Variants in PTPRG observed in about 807,000 individuals in gnomAD.
PTPRG encodes receptor-type tyrosine-protein phosphatase gamma.
In PTPRG, 102 loss-of-function variants were observed where a neutral mutation model predicts 165.3. The ratio of observed to expected loss-of-function variants is 0.62; its 90% CI spans 0.53 to 0.73. The LOEUF is 0.73. Among genes scored for constraint, PTPRG ranks in the 30% least tolerant of loss-of-function variants. The probability of loss-of-function intolerance (pLI) is 0.00; values close to 1 mark genes in which losing one functional copy is unlikely to be tolerated. For synonymous variants in PTPRG, 675 were observed against 669.5 expected, an observed-to-expected ratio of 1.01 and a Z score of -0.13; for missense variants, 1,866 against 1,861.4, an observed-to-expected ratio of 1.00 and a Z score of -0.05.
chr3:61,619,203 T>C (rs1701384860), intron 1 of PTPRG, among the ~76,000 whole-genome samples: 1 of 152,064 alleles, frequency 6.6e-6, no homozygotes, highest in South Asian at 2.1e-4. Context: ...AGCCTTCTTC[T>C]GTTTGGTAGG....
intron 16 of PTPRG, among the ~76,000 whole-genome samples, chr3:62,259,939 C>A (rs1191686191): frequency 6.6e-6 from 1 of 152,084 alleles, no homozygotes; most frequent in Non-Finnish European, 1.5e-5. Flanking sequence ...ACCTTGAAAG[C>A]CTGGCTAAGG....
At chr3:61,707,210 A>G (rs555893461) in intron 1 of PTPRG, among the ~76,000 whole-genome samples, 1 of 152,382 alleles carries the variant, frequency 6.6e-6, no homozygotes, top group Admixed American at 6.5e-5. Flanking sequence ...ATCCTCATGC[A>G]TATATGCGTT....
intron 3 of PTPRG, among the ~76,000 whole-genome samples, chr3:61,999,729 C>A (rs572315210): frequency 6.6e-6 from 1 of 152,102 alleles, no homozygotes; most frequent in South Asian, 2.1e-4. Flanking sequence ...AAAACCAGTT[C>A]TGTTTGACTG....
chr3:61,794,476 G>A (rs1006236804), intron 2 of PTPRG, among the ~76,000 whole-genome samples: 1 of 152,076 alleles, frequency 6.6e-6, no homozygotes. Context: ...TCAACATACC[G>A]CCCATGCCTT....
At chr3:62,045,202 A>G (rs550744929) in intron 4 of PTPRG, among the ~76,000 whole-genome samples, 2 of 152,306 alleles carry the variant, frequency 1.3e-5, no homozygotes, top group East Asian at 3.9e-4. Flanking sequence ...TCGCTGTTCA[A>G]TTCAGGAAGA....
At chr3:61,826,393 T>G (rs551261988) in intron 2 of PTPRG, among the ~76,000 whole-genome samples, 47 of 152,266 alleles carry the variant, frequency 3.1e-4, no homozygotes, top group Non-Finnish European at 6.2e-4. Flanking sequence ...TATTGTTGAT[T>G]AATCCAGTTC....
rs141726957 is a variant in PTPRG at position 61,835,151 on chromosome 3, T to G, written c.190+86169T>G. ...AATTATGCTGTCCAGTTTGGTAGTT[T>G]CCAGGTGTCTCATTGTGGCAGAGGC... On this transcript the variant is annotated intron_variant, in intron 2 of 29. Coordinates refer to ENST00000474889, the MANE Select transcript of PTPRG (RefSeq NM_002841.4). Among the ~76,000 whole-genome samples, 254 of 152,314 alleles carry G rather than the reference T, an allele frequency of 1.7e-3. 1 individual carries two copies. Among genetic ancestry groups the G allele is most frequent in the African/African-American group, 5.3e-3 (220 of 41,572 alleles).
chr3:61,575,764 T>C (rs1266309357), intron 1 of PTPRG, among the ~76,000 whole-genome samples: 1 of 152,062 alleles, frequency 6.6e-6, no homozygotes, highest in African/African-American at 2.4e-5. Context: ...CACGCCCGGC[T>C]AATTTTTATA....
rs941384876 is a variant in PTPRG at position 61,931,567 on chromosome 3, C to G, written c.191-58058C>G. On this transcript the variant is annotated intron_variant, in intron 2 of 29. Transcript: ENST00000474889. ...TCCCGGGCCCAAATGGGTTACTGCT[C>G]TTACACAAGTCAAGACCCCGTGTCC... 1.1e-4 allele frequency among the ~76,000 whole-genome samples: 16 copies of G among 152,284 alleles called. No homozygotes were observed. The East Asian group carries it at 2.7e-3, about 26-fold the overall frequency.
intron 2 of PTPRG, among the ~76,000 whole-genome samples, chr3:61,894,443 A>G (rs1190639513): frequency 1.3e-5 from 2 of 152,208 alleles, no homozygotes; most frequent in African/African-American, 4.8e-5. Flanking sequence ...GAGAAATAAA[A>G]AGACTGGAGT....
At chr3:61,775,942 G>C (rs1034802613) in intron 2 of PTPRG, among the ~76,000 whole-genome samples, 3 of 149,514 alleles carry the variant, frequency 2.0e-5, no homozygotes, top group African/African-American at 4.9e-5. Flanking sequence ...TAGGGGGAGG[G>C]GGGAGGGATA....
intron 19 of PTPRG, 142 bp downstream of exon 19, chr3:62,267,961 T>C (rs1701938241): frequency 3.0e-6 from 3 of 1,002,798 alleles, no homozygotes; most frequent in Non-Finnish European, 4.3e-6. Flanking sequence ...ATCTTGCTTA[T>C]GATTCAGAAG....
rs940748004 is a variant in PTPRG at position 62,224,010 on chromosome 3, G to A, written c.2288+5027G>A. On this transcript the variant is annotated intron_variant, in intron 13 of 29. Coordinates refer to ENST00000474889, the MANE Select transcript of PTPRG (RefSeq NM_002841.4). This position sits in a 1 kb window ranked among gnomAD's most constrained non-coding sequence, Gnocchi z 4.9. ...GTTTAGAGCTAAATATAGCATAAATGTAGGTTAACCAACTGAGCAGAACCA... is the reference window on the plus strand; with the variant it reads ...GTTTAGAGCTAAATATAGCATAAATATAGGTTAACCAACTGAGCAGAACCA... 6.6e-6 allele frequency among the ~76,000 whole-genome samples: 1 copy of A among 152,154 alleles called. No individual in the cohort carries two copies. The highest frequency in any genetic ancestry group is 1.5e-5 in the Non-Finnish European group (1 of 68,030).
chr3:62,058,842 G>A (rs1377015464), intron 4 of PTPRG, among the ~76,000 whole-genome samples: 2 of 152,202 alleles, frequency 1.3e-5, no homozygotes, highest in Non-Finnish European at 2.9e-5. Flanking sequence ...ACCCACTGAA[G>A]TTGAGCTCTA....
At chr3:61,618,689 T>G (rs540049777) in intron 1 of PTPRG, among the ~76,000 whole-genome samples, 1 of 152,340 alleles carries the variant, frequency 6.6e-6, no homozygotes, top group African/African-American at 2.4e-5. Flanking sequence ...GAAATTTTTC[T>G]TAAGGCCTTT....
At chr3:62,153,307 T>C (rs1293080567) in intron 6 of PTPRG, among the ~76,000 whole-genome samples, 4 of 152,240 alleles carry the variant, frequency 2.6e-5, no homozygotes. Flanking sequence ...CCAAGCCCCT[T>C]ATGTCTGTTA....
At chr3:62,017,594 T>TC (rs2041579496) in intron 4 of PTPRG, among the ~76,000 whole-genome samples, 1 of 148,544 alleles carries the variant, frequency 6.7e-6, no homozygotes, top group African/African-American at 2.5e-5. Flanking sequence ...TTTTTGTATT[T>TC]TTTTTTTTTT....
intron 1 of PTPRG, among the ~76,000 whole-genome samples, chr3:61,667,966 A>G (rs997961387): frequency 6.6e-6 from 1 of 152,092 alleles, no homozygotes; most frequent in Non-Finnish European, 1.5e-5. Context: ...TAGGGGTGGG[A>G]AAAAAGTTTT....
At chr3:61,869,921 C>T (rs937161158) in intron 2 of PTPRG, among the ~76,000 whole-genome samples, 11 of 152,028 alleles carry the variant, frequency 7.2e-5, no homozygotes, top group African/African-American at 2.4e-4. Flanking sequence ...TTCTTGACTA[C>T]GTCACCTAAA....
Sources: allele counts gnomAD v4.1 joint callset (sites outside exome capture counted in the v4.1 genomes callset), GRCh38; gene constraint gnomAD v4.1.1; non-coding constraint Gnocchi (gnomAD v3.1); transcripts MANE v1.5; gene names NCBI Gene and HGNC (gene_info 2026-07-23, HGNC 2026-07-21).